The following UCHL3 variants were observed in gnomAD, a reference collection of about 807,000 sequenced individuals.
The protein encoded by UCHL3 is ubiquitin C-terminal hydrolase L3, also known as ubiquitin carboxyl-terminal hydrolase isozyme L3.
UCHL3 carries 22 observed loss-of-function variants against 35.8 expected under a neutral mutation model. The observed-to-expected ratio is 0.61, with a 90% CI of 0.44 to 0.88. The LOEUF (loss-of-function observed/expected upper bound fraction) is 0.88, where lower values mean the gene tolerates loss of function less well. Ranked by LOEUF, UCHL3 falls within the 40% of genes least tolerant of loss-of-function variation. The probability of loss-of-function intolerance (pLI) is 0.00; values close to 1 mark genes in which losing one functional copy is unlikely to be tolerated. For missense variants in UCHL3, 229 were observed against 276.9 expected (o/e 0.83, Z 1.23); for synonymous variants, 90 against 92.8 (o/e 0.97, Z 0.17).
chr13:75,597,910 CT>C (rs2032685844), intron 7 of UCHL3, among the ~76,000 whole-genome samples: 1 of 152,104 alleles, frequency 6.6e-6, no homozygotes, highest in African/African-American at 2.4e-5. Context: ...AGTTATTTCT[CT>C]TTTGTTATCA....
chr13:75,570,243 T>C (rs971152085), intron 6 of UCHL3, among the ~76,000 whole-genome samples: 1 of 151,536 alleles, frequency 6.6e-6, no homozygotes, highest in East Asian at 1.9e-4. Context: ...CCACACTTTT[T>C]TTTGTTTTTT....
In UCHL3 at chr13:75,594,902, C is replaced by T; in HGVS notation, c.475-13C>T. The T allele has an allele frequency of 6.3e-7, 1 of 1,596,658 alleles. No individual in the cohort carries two copies. Among genetic ancestry groups the T allele is most frequent in the Admixed American group, 1.8e-5 (1 of 55,700 alleles). ...CTAATGTATATAATACCTATTTTTC[C>T]CTCCTATTCCAGGCACCAAGTATAG... On this transcript the variant is annotated splice_polypyrimidine_tract_variant and intron_variant, in intron 6 of 8. Transcript: ENST00000377595.
chr13:75,571,499 A>G (rs773082118), intron 6 of UCHL3, among the ~76,000 whole-genome samples: 4 of 152,190 alleles, frequency 2.6e-5, no homozygotes, highest in Non-Finnish European at 5.9e-5. Flanking sequence ...GTTTCTTACA[A>G]TAGTTCCACC....
At chr13:75,599,413 TA>T (rs1335605488) in intron 7 of UCHL3, among the ~76,000 whole-genome samples, 6 of 152,224 alleles carry the variant, frequency 3.9e-5, no homozygotes, top group Non-Finnish European at 8.8e-5. Flanking sequence ...GACTGTACTT[TA>T]CATATATTTC....
intron 3 of UCHL3, among the ~76,000 whole-genome samples, chr13:75,563,366 A>G (rs1325667242): frequency 1.3e-5 from 2 of 152,040 alleles, no homozygotes; most frequent in African/African-American, 2.4e-5. Flanking sequence ...TAGTAGAGAC[A>G]GGGTTTCACC....
chr13:75,604,196 C>G (rs184495721), intron 7 of UCHL3, among the ~76,000 whole-genome samples: 298 of 152,196 alleles, frequency 2.0e-3, no homozygotes, highest in Non-Finnish European at 3.7e-3. Flanking sequence ...TTAAATAATT[C>G]TGGACTTCTT....
At chr13:75,561,685 TG>T (rs2031499557) in intron 3 of UCHL3, among the ~76,000 whole-genome samples, 1 of 151,908 alleles carries the variant, frequency 6.6e-6, no homozygotes, top group South Asian at 2.1e-4. Context: ...TAGGGTGTGT[TG>T]GGGATTATAA....
At chr13:75,554,459 T>C (rs2031222805) in intron 2 of UCHL3, among the ~76,000 whole-genome samples, 1 of 152,210 alleles carries the variant, frequency 6.6e-6, no homozygotes, top group African/African-American at 2.4e-5. Flanking sequence ...ATTCCTCAGA[T>C]CTAATTGATC....
chr13:75,554,976 C>A (rs1326000486), intron 2 of UCHL3, among the ~76,000 whole-genome samples: 1 of 152,180 alleles, frequency 6.6e-6, no homozygotes, highest in Non-Finnish European at 1.5e-5. Context: ...TTAGCTCTCA[C>A]AAGTGAGAAC....
At chr13:75,601,778 T>C (rs1331880176) in intron 7 of UCHL3, among the ~76,000 whole-genome samples, 2 of 152,212 alleles carry the variant, frequency 1.3e-5, no homozygotes, top group Non-Finnish European at 1.5e-5. Flanking sequence ...AATTTCTGTA[T>C]AGTCTCTCTT....
At chr13:75,575,135 T>G (rs1205262804) in intron 6 of UCHL3, among the ~76,000 whole-genome samples, 1 of 152,200 alleles carries the variant, frequency 6.6e-6, no homozygotes, top group Non-Finnish European at 1.5e-5. Context: ...ATTTGTAGAC[T>G]AAATGAAAAA....
chr13:75,566,496 C>T (rs1593728793), intron 3 of UCHL3, among the ~76,000 whole-genome samples, 199 bp from the exon 4 acceptor site: 2 of 152,150 alleles, frequency 1.3e-5, no homozygotes, highest in Non-Finnish European at 1.5e-5. Flanking sequence ...GCCTTTTTCC[C>T]CATACCTTCA....
At position 75,567,255 on chromosome 13, in the gene UCHL3, G is replaced by A; in HGVS notation, c.369G>A (p.Leu123=). 5.0e-6 allele frequency: 8 copies of A among 1,614,004 alleles called. No individual in the cohort carries two copies. The highest frequency in any genetic ancestry group is 6.8e-6 in the Non-Finnish European group (8 of 1,179,974). Residue 123 remains leucine, a synonymous_variant, in exon 5 of 9, where the codon CTG becomes CTA. Coordinates refer to ENST00000377595, the MANE Select transcript of UCHL3 (RefSeq NM_006002.5). ...CTGGATCAACCTTGAAAAAATTCCT[G>A]GAGGAATCTGTGTCAATGAGCCCTG... The part of the protein sequence containing the change: ...FESGSTLKKF[L]EESVSMSPEE...
At chr13:75,580,204 C>A (rs943102904) in intron 6 of UCHL3, among the ~76,000 whole-genome samples, 1 of 152,150 alleles carries the variant, frequency 6.6e-6, no homozygotes, top group Admixed American at 6.5e-5. Flanking sequence ...CTTGTGACTT[C>A]TTTGCCAACC....
At chr13:75,582,768 A>G (rs2032221115) in intron 6 of UCHL3, among the ~76,000 whole-genome samples, 1 of 152,240 alleles carries the variant, frequency 6.6e-6, no homozygotes, top group South Asian at 2.1e-4. Context: ...TGCTTTAACA[A>G]TTGCATTAAC....
chr13:75,553,361 A>G (rs997886124), intron 2 of UCHL3, among the ~76,000 whole-genome samples: 4 of 152,026 alleles, frequency 2.6e-5, no homozygotes, highest in South Asian at 2.1e-4. Flanking sequence ...TTTTTTGTCA[A>G]GTTCACTAAT....
chr13:75,574,864 G>T (rs1271593440), intron 6 of UCHL3, among the ~76,000 whole-genome samples: 1 of 152,180 alleles, frequency 6.6e-6, no homozygotes, highest in Non-Finnish European at 1.5e-5. Context: ...ATATGTGTAG[G>T]AGTCTAGAGC....
chr13:75,569,386 T>A, intron 5 of UCHL3, 74 bp from the exon 6 acceptor site: 1 of 1,217,056 alleles, frequency 8.2e-7, no homozygotes, highest in Non-Finnish European at 1.2e-6. Context: ...GTGTTAAAAT[T>A]TAGCTTTGTT....
At chr13:75,562,799 T>C (rs1004705977) in intron 3 of UCHL3, among the ~76,000 whole-genome samples, 1 of 152,202 alleles carries the variant, frequency 6.6e-6, no homozygotes, top group Non-Finnish European at 1.5e-5. Context: ...CTAAAGTATT[T>C]GCGTAAGTAA....
Sources: gnomAD v4.1 joint callset for allele counts (sites outside exome capture counted in the v4.1 genomes callset) on GRCh38, gnomAD v4.1.1 for gene constraint, MANE v1.5 for transcripts, NCBI Gene and HGNC (gene_info 2026-07-23, HGNC 2026-07-21) for gene names.